Variants in PCDH15 observed in about 807,000 individuals in gnomAD.
PCDH15 encodes the protein protocadherin related 15.
PCDH15 carries 129 observed loss-of-function variants against 178.5 expected under a neutral mutation model. That is an observed-to-expected ratio of 0.72 (90% confidence interval 0.63 to 0.84). PCDH15 has a LOEUF of 0.84. Among genes scored for constraint, PCDH15 ranks in the 40% least tolerant of loss-of-function variants. The pLI is 0.00. For synonymous variants in PCDH15, 800 were observed against 732.0 expected (o/e 1.09, Z -1.50); for missense variants, 2,230 against 2,099.9 (o/e 1.06, Z -1.21).
intron 2 of PCDH15, among the ~76,000 whole-genome samples, chr10:55,161,066 A>G (rs1291898985): frequency 6.6e-6 from 1 of 152,142 alleles, no homozygotes; most frequent in Non-Finnish European, 1.5e-5. Flanking sequence ...CACTCCCAGT[A>G]GACCATAGAG....
chr10:54,503,553 G>A (rs1319732716), intron 3 of PCDH15, among the ~76,000 whole-genome samples: 1 of 151,348 alleles, frequency 6.6e-6, no homozygotes, highest in Non-Finnish European at 1.5e-5. Flanking sequence ...CTTAGAATGG[G>A]CTTGACTCAC....
chr10:54,380,686 G>T (rs1369655946), intron 3 of PCDH15, among the ~76,000 whole-genome samples: 7 of 59,458 alleles, frequency 1.2e-4, no homozygotes, highest in East Asian at 4.6e-4. Context: ...ATATATATAT[G>T]CTCCATATAT....
chr10:54,734,401 A>T (rs1221667576), intron 1 of PCDH15, among the ~76,000 whole-genome samples: 1 of 151,956 alleles, frequency 6.6e-6, no homozygotes, highest in Non-Finnish European at 1.5e-5. Context: ...AAACCTTGTT[A>T]CACTAAATAC....
chr10:55,144,034 T>C (rs1444669), intron 2 of PCDH15, among the ~76,000 whole-genome samples: 136,565 of 151,490 alleles, frequency 0.9, 62,253 homozygotes, highest in Non-Finnish European at 0.97. Flanking sequence ...ACACACAACA[T>C]ATTGTGTTGC....
intron 25 of PCDH15, among the ~76,000 whole-genome samples, chr10:53,924,075 C>G (rs980230501): frequency 6.6e-6 from 1 of 152,172 alleles, no homozygotes; most frequent in Non-Finnish European, 1.5e-5. Flanking sequence ...GGCGCCCACT[C>G]TGGCCGCGCT....
chr10:54,924,769 C>G (rs1225961787), intron 2 of PCDH15, among the ~76,000 whole-genome samples: 1 of 152,056 alleles, frequency 6.6e-6, no homozygotes, highest in Non-Finnish European at 1.5e-5. Context: ...TGTTCATGTC[C>G]TTTGCTCAAG....
chr10:54,010,491 G>A (rs951715655), intron 20 of PCDH15, among the ~76,000 whole-genome samples: 10 of 152,084 alleles, frequency 6.6e-5, no homozygotes, highest in Non-Finnish European at 8.8e-5. Flanking sequence ...TGATGCAAAC[G>A]CCCAGCACAG....
intron 8 of PCDH15, among the ~76,000 whole-genome samples, chr10:54,309,204 T>A (rs1271396068): frequency 6.6e-6 from 1 of 151,956 alleles, no homozygotes; most frequent in Non-Finnish European, 1.5e-5. Context: ...CCTGGGACTT[T>A]CTATGGCAAA....
At chr10:54,465,067 A>G (rs1215967820) in intron 3 of PCDH15, among the ~76,000 whole-genome samples, 1 of 152,132 alleles carries the variant, frequency 6.6e-6, no homozygotes, top group African/African-American at 2.4e-5. Context: ...TATCCTTTTT[A>G]AAATAAAGTT....
At chr10:54,569,378 A>T (rs1056861773) in intron 2 of PCDH15, among the ~76,000 whole-genome samples, 5 of 152,138 alleles carry the variant, frequency 3.3e-5, no homozygotes, top group Admixed American at 2.0e-4. Context: ...TTCCTTTATC[A>T]ATTTTCATGG....
rs1954176789 is a variant in PCDH15 at position 54,877,936 on chromosome 10, C to CT, written c.-29+19513dup. Among the ~76,000 whole-genome samples the CT allele has an allele frequency of 8.5e-4, 89 of 104,290 alleles. 2 individuals are homozygous for CT. Among genetic ancestry groups the CT allele is most frequent in the Middle Eastern group, 6.8e-3 (1 of 148 alleles). 68.4% of individuals were successfully genotyped at this position (104,290 alleles called of 152,430 possible). ...TCTCTTATTCTCTTTCTCTCTCTCT[C>CT]TCTTTTTTTTTTTTTTTTTTTTTTT... On this transcript the variant is annotated intron_variant, in intron 3 of 5. Coordinates refer to the PCDH15 transcript ENST00000458638.
intron 6 of PCDH15, among the ~76,000 whole-genome samples, chr10:54,337,083 T>G (rs1941318414): frequency 6.6e-6 from 1 of 150,380 alleles, no homozygotes; most frequent in Non-Finnish European, 1.5e-5. Flanking sequence ...AGACCCTTTG[T>G]TTTTGCCAAT....
chr10:54,955,281 A>T (rs1326885309), intron 2 of PCDH15, among the ~76,000 whole-genome samples: 1 of 151,258 alleles, frequency 6.6e-6, no homozygotes, highest in Non-Finnish European at 1.5e-5. Flanking sequence ...GAGGAAAAGA[A>T]CTTTTGTTCT....
chr10:54,321,184 A>ATATTTATT (rs3069753), intron 7 of PCDH15, among the ~76,000 whole-genome samples: 91 of 146,018 alleles, frequency 6.2e-4, no homozygotes, highest in African/African-American at 1.5e-3. Flanking sequence ...TATTTATAAA[A>ATATTTATT]TATTTATTTA....
chr10:55,111,570 G>T (rs1837503232), intron 2 of PCDH15, among the ~76,000 whole-genome samples: 1 of 152,110 alleles, frequency 6.6e-6, no homozygotes, highest in Non-Finnish European at 1.5e-5. Flanking sequence ...TTTGACGGGT[G>T]CAGTGGCTCA....
At chr10:53,809,488 T>C in intron 37 of PCDH15, 2 of 1,613,930 alleles carry the variant, frequency 1.2e-6, no homozygotes, top group South Asian at 1.1e-5. Flanking sequence ...AACTACTTCT[T>C]CCTCCTCACT....
At chr10:55,343,910 A>G (rs1331603468) in intron 2 of PCDH15, among the ~76,000 whole-genome samples, 1 of 152,194 alleles carries the variant, frequency 6.6e-6, no homozygotes, top group Non-Finnish European at 1.5e-5. Flanking sequence ...TAAAATAACC[A>G]CATTTAATAT....
intron 1 of PCDH15, among the ~76,000 whole-genome samples, chr10:54,756,870 T>C (rs369728843): frequency 1.3e-5 from 2 of 152,198 alleles, no homozygotes; most frequent in Non-Finnish European, 2.9e-5. Context: ...AGTTACACTT[T>C]GATACATCCA....
intron 2 of PCDH15, among the ~76,000 whole-genome samples, chr10:55,087,426 C>A (rs1004720562): frequency 3.3e-5 from 5 of 152,042 alleles, no homozygotes; most frequent in African/African-American, 1.2e-4. Flanking sequence ...GGCTGATAAG[C>A]CAGATAAGTT....
Sources: gnomAD v4.1 joint callset for allele counts (sites outside exome capture counted in the v4.1 genomes callset) on GRCh38, gnomAD v4.1.1 for gene constraint, MANE v1.5 for transcripts, NCBI Gene and HGNC (gene_info 2026-07-23, HGNC 2026-07-21) for gene names.